Variants in VAV2 observed in about 807,000 individuals in gnomAD.
VAV2 encodes guanine nucleotide exchange factor VAV2.
Under a neutral mutation model 132.5 loss-of-function variants are expected in VAV2, and 67 were observed. The observed-to-expected ratio is 0.51, with a 90% CI of 0.42 to 0.62. The LOEUF is 0.62. Among genes scored for constraint, VAV2 ranks in the 20% least tolerant of loss-of-function variants. The pLI is 0.00. For synonymous variants in VAV2, 492 were observed against 443.5 expected, an observed-to-expected ratio of 1.11 and a Z score of -1.37; for missense variants, 938 against 1,153.6, an observed-to-expected ratio of 0.81 and a Z score of 2.71.
At chr9:133,894,073 C>G (rs1301794084) in intron 2 of VAV2, among the ~76,000 whole-genome samples, 3 of 152,252 alleles carry the variant, frequency 2.0e-5, no homozygotes, top group Admixed American at 6.5e-5. Context: ...TCCCCCACTC[C>G]CCGCCTCCAC....
intron 1 of VAV2, among the ~76,000 whole-genome samples, chr9:133,947,119 C>T (rs565751121): frequency 2.8e-4 from 43 of 152,368 alleles, no homozygotes; most frequent in African/African-American, 1.0e-3. Context: ...ACGATGCCTT[C>T]CAAGACGTCA....
At chr9:133,852,311 T>C (rs1028034012) in intron 3 of VAV2, among the ~76,000 whole-genome samples, 2 of 150,146 alleles carry the variant, frequency 1.3e-5, no homozygotes, top group Non-Finnish European at 2.9e-5. Context: ...GGTAGATATA[T>C]ACGTGGATAG....
At chr9:133,903,325 G>A (rs991703185) in intron 2 of VAV2, among the ~76,000 whole-genome samples, 1 of 152,062 alleles carries the variant, frequency 6.6e-6, no homozygotes, top group Non-Finnish European at 1.5e-5. Context: ...TGTCCCTCGG[G>A]CCCCTTCCTC....
chr9:133,834,185 C>T lies in VAV2; in HGVS notation c.449+87G>A. On this transcript the variant is annotated intron_variant, in intron 4 of 29. Coordinates refer to ENST00000371850, the MANE Select transcript of VAV2 (RefSeq NM_001134398.2). This position sits in a 1 kb window ranked among gnomAD's most constrained non-coding sequence, Gnocchi z 5.9. ...CCAGCTCTGCCTGCACTGTGGCCGCCATGTTTCCTCCTGACTCCCTGGACA... is the reference window on the plus strand; with the variant it reads ...CCAGCTCTGCCTGCACTGTGGCCGCTATGTTTCCTCCTGACTCCCTGGACA... The T allele has an allele frequency of 6.8e-7, 1 of 1,468,858 alleles. No individual in the cohort carries two copies. Among genetic ancestry groups the T allele is most frequent in the South Asian group, 1.3e-5 (1 of 79,162 alleles). The allele number at this position is 1,468,858 out of a possible 1,614,324, so 91.0% of individuals were successfully genotyped here. A position where few individuals can be genotyped will look rare whatever the true frequency, so the allele number is the denominator to read the frequency against.
In VAV2 at chr9:133,788,477, G is replaced by A; in HGVS notation, c.1284C>T (p.Phe428=). 6 of 1,608,834 alleles carry A rather than the reference G, an allele frequency of 3.7e-6. No homozygotes were observed. Among genetic ancestry groups the A allele is most frequent in the African/African-American group, 1.3e-5 (1 of 74,964 alleles). ...AGACGATGACCACCTTGTCAAACAG[G>A]AACAAGTACCTGGGCCAGGCAGCGC... ...VNHTKQDRYL[F]LFDKVVIVCK... Residue 428 remains phenylalanine, a synonymous_variant, in exon 15 of 30, where the codon TTC becomes TTT. Transcript: ENST00000371850. This position sits in a 1 kb window ranked among gnomAD's most constrained non-coding sequence, Gnocchi z 5.3.
chr9:133,867,599 A>AG (rs1281789020), intron 2 of VAV2, among the ~76,000 whole-genome samples: 3 of 152,208 alleles, frequency 2.0e-5, no homozygotes, highest in African/African-American at 7.2e-5. Context: ...CACCACCTAC[A>AG]GACCCCAATG....
chr9:133,885,040 G>T lies in VAV2; in HGVS notation c.322-23608C>A, dbSNP rs1838648409. 6.6e-6 allele frequency among the ~76,000 whole-genome samples: 1 copy of T among 152,212 alleles called. No homozygotes were observed. On this transcript the variant is annotated intron_variant, in intron 2 of 29. Transcript: ENST00000371850. The surrounding 1 kb of genome is among the most constrained non-coding windows in gnomAD (Gnocchi z 5.0). ...CACTTCCAGGCCGATGACACCATCT[G>T]AGCCAGCCACAGTGACAGGCAGAGC...
At chr9:133,904,423 C>T (rs10821536) in intron 2 of VAV2, among the ~76,000 whole-genome samples, 15,647 of 152,316 alleles carry the variant, frequency 0.1, 1,030 homozygotes, top group African/African-American at 0.18. Flanking sequence ...TCCAGGGTCC[C>T]GTGAAATTCA....
chr9:133,778,380 G>A (rs1823301142), intron 22 of VAV2, among the ~76,000 whole-genome samples: 2 of 152,344 alleles, frequency 1.3e-5, no homozygotes, highest in South Asian at 4.1e-4. Context: ...GGGTGGGGAG[G>A]AGGGTGGGCA....
chr9:133,788,308 C>A lies in VAV2; in HGVS notation c.1407+46G>T, dbSNP rs976376946. 3.2e-6 allele frequency: 5 copies of A among 1,572,834 alleles called. No homozygotes were observed. Among genetic ancestry groups the A allele is most frequent in the Non-Finnish European group, 4.4e-6 (5 of 1,148,720 alleles). On this transcript the variant is annotated intron_variant, in intron 15 of 29. Transcript: ENST00000371850. The surrounding 1 kb of genome is among the most constrained non-coding windows in gnomAD (Gnocchi z 5.3). The stretch of plus-strand genomic sequence containing the variant: ...CTGGAACCCAGTGCCTCTCTCCAGG[C>A]CACCCCCACGTTCCTGGGTAGCAGG...
chr9:133,932,670 C>A (rs996893698), intron 2 of VAV2, among the ~76,000 whole-genome samples: 4 of 152,198 alleles, frequency 2.6e-5, no homozygotes, highest in African/African-American at 9.7e-5. Context: ...CTCAACGAGA[C>A]CAAGTATCTA....
intron 1 of VAV2, among the ~76,000 whole-genome samples, chr9:133,945,518 C>T (rs1037477859): frequency 5.3e-5 from 8 of 152,348 alleles, no homozygotes; most frequent in South Asian, 2.1e-4. Flanking sequence ...GCAGGTGACC[C>T]GCGATCTGAA....
intron 2 of VAV2, among the ~76,000 whole-genome samples, chr9:133,895,565 A>C (rs868093166): frequency 3.9e-5 from 6 of 152,180 alleles, no homozygotes; most frequent in African/African-American, 9.7e-5. Flanking sequence ...ATCTATTGTG[A>C]CATTCCATTT....
Position 133,767,634 on chromosome 9 carries a change from T to A in VAV2, c.2589+808A>T, listed in dbSNP as rs74466742. Among the ~76,000 whole-genome samples, 577 of 152,122 alleles carry A rather than the reference T, an allele frequency of 3.8e-3. 10 individuals carry two copies. Among genetic ancestry groups the A allele is most frequent in the African/African-American group, 0.013 (559 of 41,478 alleles). On this transcript the variant is annotated intron_variant, in intron 29 of 29. Coordinates refer to ENST00000371850, the MANE Select transcript of VAV2 (RefSeq NM_001134398.2). ...TTCTATAGGGCAGTTGGGTAAAAAA[T>A]GGGTCAGACTTGAGGGCCTCCAAGG...
In VAV2 at chr9:133,794,959, T is replaced by C. The variant is rs1834647554; in HGVS notation, c.1101+709A>G. ...CAGTGAAGGCAGGATGAGCAGGACG[T>C]GGCCAGGTGACGAGGAGGAGGGTGC... On this transcript the variant is annotated intron_variant, in intron 12 of 29. Coordinates refer to ENST00000371850, the MANE Select transcript of VAV2 (RefSeq NM_001134398.2). The surrounding 1 kb of genome is among the most constrained non-coding windows in gnomAD (Gnocchi z 4.6). Among the ~76,000 whole-genome samples the C allele has an allele frequency of 6.6e-6, 1 of 152,158 alleles. No individual in the cohort carries two copies. Among genetic ancestry groups the C allele is most frequent in the Non-Finnish European group, 1.5e-5 (1 of 68,022 alleles).
intron 2 of VAV2, among the ~76,000 whole-genome samples, chr9:133,902,492 A>G (rs1423664772): frequency 6.6e-6 from 1 of 152,130 alleles, no homozygotes; most frequent in Non-Finnish European, 1.5e-5. Flanking sequence ...CAGTAGAGAA[A>G]ATGTTCACCC....
intron 13 of VAV2, 69 bp from the exon 14 acceptor site, chr9:133,789,412 G>C (rs902805969): frequency 6.6e-6 from 10 of 1,509,540 alleles, no homozygotes; most frequent in Non-Finnish European, 1.8e-6. Context: ...GCACGGGCAG[G>C]GCAGACTGTC....
intron 6 of VAV2, 78 bp downstream of exon 6, chr9:133,810,113 G>A (rs1835303281): frequency 5.0e-6 from 8 of 1,599,432 alleles, no homozygotes; most frequent in South Asian, 2.2e-5. Flanking sequence ...TTTTCTCAGA[G>A]AGGTCTGAGA....
chr9:133,787,431 G>A (rs1204521850), intron 15 of VAV2, among the ~76,000 whole-genome samples, 171 bp from the exon 16 acceptor site: 3 of 152,228 alleles, frequency 2.0e-5, no homozygotes, highest in Middle Eastern at 3.2e-3. Flanking sequence ...TCTTCCCAGA[G>A]TGTTGGGTGC....
Sources: gnomAD v4.1 joint callset for allele counts (sites outside exome capture counted in the v4.1 genomes callset) on GRCh38, gnomAD v4.1.1 for gene constraint, Gnocchi (gnomAD v3.1) non-coding constraint, MANE v1.5 for transcripts, NCBI Gene and HGNC (gene_info 2026-07-23, HGNC 2026-07-21) for gene names.